TSPAN5: variants seen among roughly 807,000 people sequenced by gnomAD.
TSPAN5 encodes the protein tetraspanin-5.
A neutral mutation model predicts 37.1 loss-of-function variants in TSPAN5; 10 were observed. The observed-to-expected ratio is 0.27, with a 90% CI of 0.17 to 0.46. TSPAN5 has a LOEUF of 0.46. Among genes scored for constraint, TSPAN5 ranks in the 20% least tolerant of loss-of-function variants. TSPAN5 has a pLI of 1.00. For synonymous variants in TSPAN5, 110 were observed against 118.9 expected, an observed-to-expected ratio of 0.93 and a Z score of 0.48; for missense variants, 195 against 326.6, an observed-to-expected ratio of 0.60 and a Z score of 3.11.
intron 1 of TSPAN5, among the ~76,000 whole-genome samples, chr4:98,549,315 T>TTTTTTTTTTTC (rs1754552633): frequency 6.7e-6 from 1 of 149,960 alleles, no homozygotes; most frequent in African/African-American, 2.5e-5. Flanking sequence ...TTTTTTTGTT[T>TTTTTTTTTTTC]TTTTTGAGGC....
chr4:98,575,709 A>G (rs1755218200), intron 1 of TSPAN5, among the ~76,000 whole-genome samples: 1 of 151,668 alleles, frequency 6.6e-6, no homozygotes, highest in East Asian at 1.9e-4. Context: ...TTCCTCTTTC[A>G]TCTACAATAT....
At position 98,496,943 on chromosome 4, in the gene TSPAN5, T is replaced by C. The variant is rs572699435; in HGVS notation, c.133-10059A>G. The stretch of plus-strand genomic sequence containing the variant: ...TCTGATACCCTAAGCCCCCGTGTGG[T>C]AGTATTTTGAGGTGGGGCCTTTGGG... On this transcript the variant is annotated intron_variant, in intron 2 of 7. Transcript: ENST00000305798. 7.2e-5 allele frequency among the ~76,000 whole-genome samples: 11 copies of C among 152,124 alleles called. No individual in the cohort carries two copies. In the South Asian group the frequency reaches 1.9e-3, roughly 26 times the overall value.
chr4:98,558,725 G>A (rs532410760), intron 1 of TSPAN5, among the ~76,000 whole-genome samples: 110 of 152,188 alleles, frequency 7.2e-4, no homozygotes, highest in Admixed American at 1.6e-3. Flanking sequence ...ATGATCACCT[G>A]TTCACCCTTA....
At chr4:98,486,638 C>T in intron 3 of TSPAN5, 100 bp downstream of exon 3, 1 of 1,411,534 alleles carries the variant, frequency 7.1e-7, no homozygotes, top group African/African-American at 1.4e-5. Flanking sequence ...TTGGCCAGTG[C>T]CTTTGGTACA....
At chr4:98,605,314 T>C (rs1756006248) in intron 1 of TSPAN5, among the ~76,000 whole-genome samples, 1 of 152,224 alleles carries the variant, frequency 6.6e-6, no homozygotes, top group African/African-American at 2.4e-5. Context: ...ACAACTTGGC[T>C]AAGGTTCAAT....
chr4:98,648,323 G>A (rs1757112610), intron 1 of TSPAN5, among the ~76,000 whole-genome samples: 2 of 152,302 alleles, frequency 1.3e-5, no homozygotes, highest in South Asian at 2.1e-4. Flanking sequence ...AGGCTGAAAG[G>A]AACAGCAACA....
At chr4:98,616,019 G>A (rs768523670) in intron 1 of TSPAN5, among the ~76,000 whole-genome samples, 8 of 152,106 alleles carry the variant, frequency 5.3e-5, no homozygotes, top group Non-Finnish European at 1.2e-4. Context: ...CACCACCCCG[G>A]AGAGTGTTTC....
At chr4:98,517,883 G>T (rs1302544999) in intron 1 of TSPAN5, among the ~76,000 whole-genome samples, 1 of 152,114 alleles carries the variant, frequency 6.6e-6, no homozygotes, top group Admixed American at 6.5e-5. Context: ...ACATACCAGA[G>T]AAATGTTCTG....
Position 98,475,805 on chromosome 4 carries a change from C to T in TSPAN5, c.741+384G>A, listed in dbSNP as rs183049232. On this transcript the variant is annotated intron_variant, in intron 7 of 7. Transcript: ENST00000305798. ...GAGATCGAGACCATCCTAGCTAACACGGTGAAACCCCGTCTCTATTAAAAA... is the reference window on the plus strand; with the variant it reads ...GAGATCGAGACCATCCTAGCTAACATGGTGAAACCCCGTCTCTATTAAAAA... Among the ~76,000 whole-genome samples the T allele has an allele frequency of 3.9e-3, 591 of 152,026 alleles. 6 individuals are homozygous for T. Among genetic ancestry groups the T allele is most frequent in the African/African-American group, 0.014 (563 of 41,474 alleles).
intron 1 of TSPAN5, among the ~76,000 whole-genome samples, chr4:98,547,667 T>A (rs1754499166): frequency 6.6e-6 from 1 of 152,032 alleles, no homozygotes; most frequent in Admixed American, 6.6e-5. Context: ...GGATTAAGGA[T>A]CTCCTTTGAG....
chr4:98,518,289 C>T (rs1019106393), intron 1 of TSPAN5, among the ~76,000 whole-genome samples: 8 of 152,114 alleles, frequency 5.3e-5, no homozygotes, highest in Non-Finnish European at 1.0e-4. Flanking sequence ...AGGATTATAT[C>T]ATTCAACTTA....
intron 1 of TSPAN5, among the ~76,000 whole-genome samples, chr4:98,576,015 GC>G (rs1755228674): frequency 6.6e-6 from 1 of 152,104 alleles, no homozygotes; most frequent in Non-Finnish European, 1.5e-5. Context: ...ATTGCAGTAA[GC>G]TGAGATGGCA....
At chr4:98,515,635 C>T (rs1753711746) in intron 1 of TSPAN5, among the ~76,000 whole-genome samples, 1 of 151,986 alleles carries the variant, frequency 6.6e-6, no homozygotes, top group African/African-American at 2.4e-5. Flanking sequence ...GTGATGTGAC[C>T]TGGGATTAGA....
At chr4:98,525,167 C>T (rs1251469418) in intron 1 of TSPAN5, among the ~76,000 whole-genome samples, 3 of 152,214 alleles carry the variant, frequency 2.0e-5, no homozygotes, top group Non-Finnish European at 4.4e-5. Flanking sequence ...ATGGGTCCTG[C>T]TCTTCCTAAA....
At chr4:98,557,397 T>C (rs1754775422) in intron 1 of TSPAN5, among the ~76,000 whole-genome samples, 1 of 152,158 alleles carries the variant, frequency 6.6e-6, no homozygotes, top group Non-Finnish European at 1.5e-5. Context: ...AATTCTACAG[T>C]CTCTGAACTA....
At chr4:98,514,184 A>C (rs1753678769) in intron 1 of TSPAN5, among the ~76,000 whole-genome samples, 1 of 152,204 alleles carries the variant, frequency 6.6e-6, no homozygotes, top group Non-Finnish European at 1.5e-5. Flanking sequence ...GCCTGAATAA[A>C]CAGGAGAAAT....
At chr4:98,601,410 C>T (rs1468934871) in intron 1 of TSPAN5, among the ~76,000 whole-genome samples, 1 of 152,218 alleles carries the variant, frequency 6.6e-6, no homozygotes, top group East Asian at 1.9e-4. Context: ...TTAGCTAGAT[C>T]TTCTGGATAA....
intron 1 of TSPAN5, among the ~76,000 whole-genome samples, chr4:98,521,132 A>T (rs1295436122): frequency 6.6e-6 from 1 of 152,258 alleles, no homozygotes; most frequent in East Asian, 1.9e-4. Flanking sequence ...GGGTTTCACC[A>T]TGTTGGTCAG....
chr4:98,505,465 A>G (rs1029607378), intron 2 of TSPAN5, among the ~76,000 whole-genome samples: 1 of 152,054 alleles, frequency 6.6e-6, no homozygotes, highest in African/African-American at 2.4e-5. Context: ...TCTTCCTAGA[A>G]TGTTCTTCCC....
Sources: gnomAD v4.1 joint callset for allele counts (sites outside exome capture counted in the v4.1 genomes callset) on GRCh38, gnomAD v4.1.1 for gene constraint, MANE v1.5 for transcripts, NCBI Gene and HGNC (gene_info 2026-07-23, HGNC 2026-07-21) for gene names.